DDX60: variants seen among roughly 807,000 people sequenced by gnomAD.
DDX60 encodes DExD/H-box helicase 60, also known as probable ATP-dependent RNA helicase DDX60.
DDX60 carries 165 observed loss-of-function variants against 212.8 expected under a neutral mutation model. The ratio of observed to expected loss-of-function variants is 0.78; its 90% confidence interval spans 0.68 to 0.88. The LOEUF (loss-of-function observed/expected upper bound fraction) is 0.88, where lower values mean the gene tolerates loss of function less well. Ranked by LOEUF, DDX60 falls within the 40% of genes least tolerant of loss-of-function variation. The pLI is 0.00. For missense variants in DDX60, 1,905 were observed against 2,003.9 expected (o/e 0.95, Z 0.94); for synonymous variants, 703 against 685.3 (o/e 1.03, Z -0.40).
chr4:168,310,437 T>C (rs1737079711), intron 3 of DDX60, among the ~76,000 whole-genome samples: 1 of 152,194 alleles, frequency 6.6e-6, no homozygotes, highest in Non-Finnish European at 1.5e-5. Flanking sequence ...ATTTTCTTAA[T>C]TTTCTATACT....
chr4:168,322,885 G>A (rs887611356), upstream of DDX60, among the ~76,000 whole-genome samples: 1 of 152,228 alleles, frequency 6.6e-6, no homozygotes, highest in South Asian at 2.1e-4. Context: ...CCAAAGGATG[G>A]GGGGAAGCTC....
intron 25 of DDX60, among the ~76,000 whole-genome samples, chr4:168,257,003 T>A (rs1734438152): frequency 6.6e-6 from 1 of 152,120 alleles, no homozygotes; most frequent in Non-Finnish European, 1.5e-5. Flanking sequence ...TAGTAGACAA[T>A]AAAATAATGG....
At chr4:168,324,057 T>G in the DDX60 span, among the ~76,000 whole-genome samples, 2,454 of 152,326 alleles carry the variant, frequency 0.016, 24 homozygotes, top group Non-Finnish European at 0.026. Flanking sequence ...CAATGTGGCA[T>G]CTGGCAAGAG....
At chr4:168,238,463 G>GGAAGGGAAGA (rs1285474918) in intron 30 of DDX60, among the ~76,000 whole-genome samples, 15 of 144,596 alleles carry the variant, frequency 1.0e-4, no homozygotes, top group Non-Finnish European at 2.0e-4. Flanking sequence ...GGAAGGGAAG[G>GGAAGGGAAGA]GAAGGGAAGG....
At position 168,273,331 on chromosome 4, in the gene DDX60, A is replaced by G. The variant is rs2149520024; in HGVS notation, c.2522T>C (p.Val841Ala). 1 of 1,613,998 alleles carries G rather than the reference A, an allele frequency of 6.2e-7. No individual in the cohort carries two copies. Among genetic ancestry groups the G allele is most frequent in the Non-Finnish European group, 8.5e-7 (1 of 1,179,904 alleles). ...CTCCCTGGTGAAAACACCACAGAGA[A>G]CTTCACCACTTGGCAGATTTTTCGT... ...RFTKNLPSGE[V>A]LCGVFTREYR... is the part of the protein sequence containing the mutation. Residue 841 changes from valine to alanine, a missense_variant, in exon 18 of 38, where the codon GTT (valine) becomes GCT (alanine). Val to Ala is a moderately conservative substitution (Grantham distance 64). Coordinates refer to ENST00000393743, the MANE Select transcript of DDX60 (RefSeq NM_017631.6).
intron 14 of DDX60, among the ~76,000 whole-genome samples, chr4:168,277,361 A>C (rs531381910): frequency 7.8e-4 from 119 of 152,260 alleles, no homozygotes; most frequent in Non-Finnish European, 2.2e-4. Flanking sequence ...TGGTTCCCTT[A>C]ACCACGCCCA....
chr4:168,296,694 T>C (rs368787236), intron 6 of DDX60, among the ~76,000 whole-genome samples: 1 of 151,834 alleles, frequency 6.6e-6, no homozygotes, highest in Middle Eastern at 3.4e-3. Context: ...AGAAAGTACA[T>C]AGAGAGCTAT....
At chr4:168,291,974 G>A (rs1284190806) in intron 7 of DDX60, 68 bp from the exon 8 acceptor site, 1 of 1,162,682 alleles carries the variant, frequency 8.6e-7, no homozygotes, top group Non-Finnish European at 1.2e-6. Context: ...AAGCATCTAG[G>A]ACCACAAAAG....
chr4:168,224,263 G>T lies in DDX60; in HGVS notation c.4804C>A (p.Arg1602=). Residue 1602 remains arginine, a synonymous_variant, in exon 35 of 38, where the codon CGA becomes AGA. Coordinates refer to ENST00000393743, the MANE Select transcript of DDX60 (RefSeq NM_017631.6). The part of the protein sequence containing the change: ...LSGNFDDDLL[R]LETPNHVTLG... ...CTTACATGGTTTGGAGTTTCTAGTC[G>T]AAGCAAATCATCATCAAAGTTCCCA... 27 of 1,612,150 alleles carry T rather than the reference G, an allele frequency of 1.7e-5. No homozygotes were observed. The highest frequency in any genetic ancestry group is 2.1e-5 in the Non-Finnish European group (25 of 1,178,854).
At chr4:168,312,578 A>G (rs933064418) in intron 1 of DDX60, among the ~76,000 whole-genome samples, 2 of 152,164 alleles carry the variant, frequency 1.3e-5, no homozygotes, top group Admixed American at 6.6e-5. Context: ...ATGAAAATGC[A>G]CTTGAGCATT....
rs1203441992 is a variant in DDX60, at chr4:168,306,480, T to C, written c.505A>G (p.Lys169Glu). The stretch of plus-strand genomic sequence containing the variant: ...CCTGAGGAAAGTACAACGTTGACCT[T>C]CCTTGCCCAAGAATGAATGATTAAA... ...NFLIIHSWAR[K>E]VNVVLSSGQE... Residue 169 changes from lysine to glutamate, a missense_variant, in exon 5 of 38, where the codon AAG becomes GAG. Lys to Glu is a moderately conservative substitution (Grantham distance 56). Transcript: ENST00000393743. 5 of 1,614,198 alleles carry C rather than the reference T, an allele frequency of 3.1e-6. No individual in the cohort carries two copies. The highest frequency in any genetic ancestry group is 1.1e-5 in the South Asian group (1 of 91,084).
At chr4:168,236,177 G>C in intron 33 of DDX60, 75 bp downstream of exon 33, 2 of 1,399,400 alleles carry the variant, frequency 1.4e-6, no homozygotes, top group East Asian at 5.0e-5. Flanking sequence ...AAATTCTACA[G>C]CTGCTAAGTC....
At chr4:168,297,701 C>G (rs887746909) in intron 6 of DDX60, among the ~76,000 whole-genome samples, 2 of 151,712 alleles carry the variant, frequency 1.3e-5, no homozygotes, top group Non-Finnish European at 2.9e-5. Context: ...GCCAGGAGTT[C>G]GAGACCAGCC....
intron 37 of DDX60, 33 bp from the exon 38 acceptor site, chr4:168,217,065 T>G (rs777523331): frequency 2.2e-6 from 3 of 1,386,502 alleles, no homozygotes; most frequent in Non-Finnish European, 3.0e-6. Context: ...AGGATCCACT[T>G]TAGTGAGATT....
At chr4:168,273,189 G>T in intron 18 of DDX60, 90 bp downstream of exon 18, 1 of 1,251,388 alleles carries the variant, frequency 8.0e-7, no homozygotes, top group Non-Finnish European at 1.1e-6. Flanking sequence ...ATTTTCACAA[G>T]CCTTGTGAAG....
intron 22 of DDX60, chr4:168,263,651 C>G (rs1284591308): frequency 6.6e-6 from 1 of 152,082 alleles, no homozygotes; most frequent in Non-Finnish European, 1.5e-5. Context: ...CCACAGAGAT[C>G]TCCCCTGTCC....
At chr4:168,283,155 A>T (rs548907488) in intron 13 of DDX60, among the ~76,000 whole-genome samples, 8 of 152,302 alleles carry the variant, frequency 5.3e-5, no homozygotes, top group African/African-American at 1.4e-4. Context: ...TTAATGAACA[A>T]CTATATTTTT....
intron 1 of DDX60, 73 bp from the exon 2 acceptor site, chr4:168,311,438 A>ATTAGACTACTATGTGTC: frequency 1.7e-6 from 1 of 577,092 alleles, no homozygotes; most frequent in Non-Finnish European, 3.1e-6. Flanking sequence ...TGTAAAGCAA[A>ATTAGACTACTATGTGTC]ATATTAGACA....
At chr4:168,284,756 T>G in intron 12 of DDX60, 64 bp downstream of exon 12, 1 of 796,058 alleles carries the variant, frequency 1.3e-6, no homozygotes, top group Non-Finnish European at 1.9e-6. Flanking sequence ...AATTTTCCAC[T>G]ATAAAATAAG....
Sources: gnomAD v4.1 joint callset for allele counts (sites outside exome capture counted in the v4.1 genomes callset) on GRCh38, gnomAD v4.1.1 for gene constraint, MANE v1.5 for transcripts, NCBI Gene and HGNC (gene_info 2026-07-23, HGNC 2026-07-21) for gene names.